PITPNM3: variants seen among roughly 807,000 people sequenced by gnomAD.
PITPNM3 encodes PITPNM family member 3.
Under a neutral mutation model 102.0 loss-of-function variants are expected in PITPNM3, and 26 were observed. That is an observed-to-expected ratio of 0.25 (90% CI 0.19 to 0.35). The LOEUF (loss-of-function observed/expected upper bound fraction) is 0.35, where lower values mean the gene tolerates loss of function less well. Ranked by LOEUF, PITPNM3 falls within the 10% of genes least tolerant of loss-of-function variation. The pLI, the probability that PITPNM3 is intolerant of heterozygous loss-of-function variation, is 1.00. For missense variants in PITPNM3, 1,083 were observed against 1,346.1 expected (o/e 0.80, Z 3.06); for synonymous variants, 578 against 558.6 (o/e 1.03, Z -0.49).
intron 6 of PITPNM3, chr17:6,481,444 A>G (rs1158258974): frequency 2.0e-5 from 3 of 152,362 alleles, no homozygotes; most frequent in African/African-American, 4.8e-5. Context: ...CTTCACACAC[A>G]TTAGCACACA....
At chr17:6,463,680 G>T in intron 17 of PITPNM3, 52 bp downstream of exon 17, 2 of 1,594,072 alleles carry the variant, frequency 1.3e-6, no homozygotes, top group Non-Finnish European at 1.7e-6. Context: ...CCCCAGGGCT[G>T]CTGGCTCCTG....
chr17:6,506,580 C>T (rs1907523905), intron 3 of PITPNM3, among the ~76,000 whole-genome samples: 1 of 152,156 alleles, frequency 6.6e-6, no homozygotes, highest in African/African-American at 2.4e-5. Context: ...CCATGTTGGC[C>T]AAGATGGTCT....
chr17:6,550,188 G>C (rs1373893861), intron 1 of PITPNM3, among the ~76,000 whole-genome samples: 1 of 152,192 alleles, frequency 6.6e-6, no homozygotes, highest in Non-Finnish European at 1.5e-5. Context: ...AGACAAGTTA[G>C]CTCCCAGGAA....
At chr17:6,549,839 C>T (rs1910212925) in intron 1 of PITPNM3, among the ~76,000 whole-genome samples, 1 of 152,210 alleles carries the variant, frequency 6.6e-6, no homozygotes, top group Admixed American at 6.5e-5. Flanking sequence ...TGGCCACCCC[C>T]TTCCGGGCTC....
Position 6,456,501 on chromosome 17 carries a change from C to G in PITPNM3, c.2620-858G>C, listed in dbSNP as rs1348531934. Among the ~76,000 whole-genome samples the G allele has an allele frequency of 2.6e-5, 4 of 152,182 alleles. No individual in the cohort carries two copies. In the East Asian group the frequency reaches 7.7e-4, roughly 29 times the overall value. On this transcript the variant is annotated intron_variant, in intron 19 of 19. Coordinates refer to ENST00000262483, the MANE Select transcript of PITPNM3 (RefSeq NM_031220.4). Reference sequence around the variant, plus strand: ...CTACTCAATATGTGGTCCATGGACTCTGGCAGCATCAACACCACCTGGCAC... The same window carrying G: ...CTACTCAATATGTGGTCCATGGACTGTGGCAGCATCAACACCACCTGGCAC...
chr17:6,478,602 T>C lies in PITPNM3; in HGVS notation c.722A>G (p.Asn241Ser), dbSNP rs1338451231. ...DAVATVIERA[N>S]QVYREFLKSS... The stretch of plus-strand genomic sequence containing the variant: ...CTTCAGGAACTCTCTGTAGACCTGG[T>C]TGGCTCGCTCGATGACGGTGGCGAC... Residue 241 changes from asparagine (N) to serine (S), a missense_variant, in exon 7 of 20, where the codon AAC (asparagine) becomes AGC (serine). Transcript: ENST00000262483. This position sits in a 1 kb window ranked among gnomAD's most constrained non-coding sequence, Gnocchi z 4.4. 1 of 1,614,082 alleles carries C rather than the reference T, an allele frequency of 6.2e-7. No homozygotes were observed. The highest frequency in any genetic ancestry group is 8.5e-7 in the Non-Finnish European group (1 of 1,180,024).
intron 1 of PITPNM3, among the ~76,000 whole-genome samples, chr17:6,539,509 T>C (rs1309412277): frequency 2.0e-5 from 3 of 152,136 alleles, no homozygotes; most frequent in Non-Finnish European, 2.9e-5. Context: ...TATAGCAGGA[T>C]TGCAGGATAC....
At chr17:6,531,948 CA>C (rs1047084385) in intron 2 of PITPNM3, among the ~76,000 whole-genome samples, 1 of 151,844 alleles carries the variant, frequency 6.6e-6, no homozygotes, top group African/African-American at 2.4e-5. Flanking sequence ...ACTAAAAATA[CA>C]AAAAAAATCA....
intron 6 of PITPNM3, chr17:6,479,855 T>C (rs1039176813): frequency 2.0e-5 from 3 of 152,174 alleles, no homozygotes; most frequent in African/African-American, 7.2e-5. Context: ...TATGGGGTGA[T>C]GAATGGCCCT....
intron 1 of PITPNM3, among the ~76,000 whole-genome samples, chr17:6,541,427 T>C (rs1182432876): frequency 2.6e-5 from 4 of 151,870 alleles, no homozygotes; most frequent in Non-Finnish European, 5.9e-5. Flanking sequence ...ATGAGCTTGG[T>C]GTGTCCAAGG....
intron 2 of PITPNM3, among the ~76,000 whole-genome samples, chr17:6,529,457 G>T (rs778119755): frequency 2.7e-4 from 41 of 152,082 alleles, no homozygotes; most frequent in Non-Finnish European, 1.6e-4. Flanking sequence ...AGCTGGGCGT[G>T]GGGGCGGGTG....
At chr17:6,544,042 C>T (rs185067931) in intron 1 of PITPNM3, among the ~76,000 whole-genome samples, 6 of 152,366 alleles carry the variant, frequency 3.9e-5, no homozygotes, top group East Asian at 3.9e-4. Flanking sequence ...TCAGATAACA[C>T]GTGCAATTTC....
At chr17:6,496,190 A>G (rs556329932) in intron 4 of PITPNM3, among the ~76,000 whole-genome samples, 2 of 151,788 alleles carry the variant, frequency 1.3e-5, no homozygotes, top group East Asian at 1.9e-4. Context: ...CCCTCCTCCC[A>G]CCTGTGGTTT....
chr17:6,465,271 C>T (rs1904708636), intron 14 of PITPNM3, among the ~76,000 whole-genome samples: 1 of 152,172 alleles, frequency 6.6e-6, no homozygotes, highest in Non-Finnish European at 1.5e-5. Context: ...GTCTCGAACT[C>T]CCGACCTCAG....
chr17:6,554,515 G>T (rs947830931), intron 1 of PITPNM3, among the ~76,000 whole-genome samples: 23 of 152,110 alleles, frequency 1.5e-4, no homozygotes, highest in African/African-American at 5.6e-4. Context: ...GCGTGAAATT[G>T]CAGCAGAAAA....
chr17:6,554,834 C>T (rs1342470394), intron 1 of PITPNM3, among the ~76,000 whole-genome samples: 1 of 152,216 alleles, frequency 6.6e-6, no homozygotes, highest in Non-Finnish European at 1.5e-5. Flanking sequence ...GGGAGAGTCG[C>T]ATTTCCTCCC....
At chr17:6,527,064 C>T (rs375974883) in intron 2 of PITPNM3, among the ~76,000 whole-genome samples, 12 of 152,056 alleles carry the variant, frequency 7.9e-5, no homozygotes, top group African/African-American at 2.7e-4. Flanking sequence ...TTGTGCTTTT[C>T]CACACCCTCC....
intron 4 of PITPNM3, among the ~76,000 whole-genome samples, chr17:6,489,003 G>A (rs1006304010): frequency 6.6e-6 from 1 of 152,164 alleles, no homozygotes; most frequent in Admixed American, 6.5e-5. Flanking sequence ...TCCACATCAG[G>A]AGAGGTGGTC....
At chr17:6,502,356 G>A (rs1268615379) in intron 4 of PITPNM3, among the ~76,000 whole-genome samples, 1 of 152,202 alleles carries the variant, frequency 6.6e-6, no homozygotes, top group African/African-American at 2.4e-5. Flanking sequence ...AGGAGGCTGA[G>A]GCGGGAGAAT....
Sources: allele counts gnomAD v4.1 joint callset (sites outside exome capture counted in the v4.1 genomes callset), GRCh38; gene constraint gnomAD v4.1.1; non-coding constraint Gnocchi (gnomAD v3.1); transcripts MANE v1.5; gene names NCBI Gene and HGNC (gene_info 2026-07-23, HGNC 2026-07-21).